ARL15: variants seen among roughly 807,000 people sequenced by gnomAD.
The protein encoded by ARL15 is ARF like GTPase 15.
In ARL15, 19 loss-of-function variants were observed where a neutral mutation model predicts 25.2. The ratio of observed to expected loss-of-function variants is 0.75; its 90% CI spans 0.53 to 1.10. The LOEUF is 1.10. Among genes scored for constraint, ARL15 ranks in the 50% least tolerant of loss-of-function variants. The pLI, the probability that ARL15 is intolerant of heterozygous loss-of-function variation, is 0.00. For missense variants in ARL15, 220 were observed against 246.0 expected (o/e 0.89, Z 0.71); for synonymous variants, 94 against 86.8 (o/e 1.08, Z -0.46).
chr5:53,901,388 G>C (rs62372372), intron 4 of ARL15, among the ~76,000 whole-genome samples: 1 of 152,062 alleles, frequency 6.6e-6, no homozygotes, highest in Non-Finnish European at 1.5e-5. Context: ...GGTTGTTTAA[G>C]GAGTCCTACC....
intron 3 of ARL15, among the ~76,000 whole-genome samples, chr5:54,148,851 T>C (rs900897450): frequency 2.6e-5 from 4 of 152,222 alleles, no homozygotes; most frequent in Non-Finnish European, 4.4e-5. Flanking sequence ...TATCAATAAA[T>C]AATAACACAC....
At chr5:54,095,925 T>A (rs537355714) in intron 4 of ARL15, among the ~76,000 whole-genome samples, 1 of 152,290 alleles carries the variant, frequency 6.6e-6, no homozygotes, top group African/African-American at 2.4e-5. Flanking sequence ...TTGTTATTTT[T>A]AAAAAAATTT....
chr5:54,201,677 T>C (rs890742840), intron 1 of ARL15, among the ~76,000 whole-genome samples: 1 of 152,122 alleles, frequency 6.6e-6, no homozygotes, highest in Non-Finnish European at 1.5e-5. Flanking sequence ...TACCTCCCCA[T>C]GCTGTACTTG....
At chr5:54,104,817 A>G (rs1318482514) in intron 4 of ARL15, among the ~76,000 whole-genome samples, 1 of 152,084 alleles carries the variant, frequency 6.6e-6, no homozygotes, top group Non-Finnish European at 1.5e-5. Context: ...AAAATGAGTG[A>G]CAATGCTTCT....
At chr5:53,963,769 T>C (rs973751421) in intron 4 of ARL15, among the ~76,000 whole-genome samples, 3 of 149,706 alleles carry the variant, frequency 2.0e-5, no homozygotes, top group Non-Finnish European at 4.4e-5. Flanking sequence ...AATTGTGCCA[T>C]TGCATTCCAG....
At chr5:53,930,434 T>A (rs1446977354) in intron 4 of ARL15, among the ~76,000 whole-genome samples, 4 of 152,182 alleles carry the variant, frequency 2.6e-5, no homozygotes, top group Non-Finnish European at 5.9e-5. Flanking sequence ...AGAGAGAAAA[T>A]TTCCCATCCA....
At chr5:54,227,896 G>C (rs545744616) in intron 1 of ARL15, among the ~76,000 whole-genome samples, 1 of 152,290 alleles carries the variant, frequency 6.6e-6, no homozygotes, top group Admixed American at 6.5e-5. Flanking sequence ...TGCAGAAGGA[G>C]TTAACATTTT....
intron 1 of ARL15, among the ~76,000 whole-genome samples, chr5:54,200,988 G>A (rs574032075): frequency 3.3e-5 from 5 of 151,844 alleles, no homozygotes; most frequent in Admixed American, 1.3e-4. Flanking sequence ...GGATGATCAC[G>A]ATACATACAA....
intron 1 of ARL15, among the ~76,000 whole-genome samples, chr5:54,211,065 G>A (rs1756025066): frequency 6.6e-6 from 1 of 152,138 alleles, no homozygotes; most frequent in African/African-American, 2.4e-5. Context: ...AACGAAACTA[G>A]GATTATTTTT....
intron 4 of ARL15, among the ~76,000 whole-genome samples, chr5:54,095,252 G>A (rs1004642813): frequency 3.9e-5 from 6 of 152,070 alleles, no homozygotes; most frequent in East Asian, 1.9e-4. Flanking sequence ...TGACAAGGCC[G>A]CCTTTTAAAC....
At position 54,230,302 on chromosome 5, in the gene ARL15, C is replaced by T. The variant is rs371728472; in HGVS notation, c.49-58374G>A. On this transcript the variant is annotated intron_variant, in intron 1 of 4. Transcript: ENST00000504924. The stretch of plus-strand genomic sequence containing the variant: ...CGGAGGTTGCAGTGAGCCCAGATCG[C>T]GCCACTGCACTCCAGCCTGGAGACA... Among the ~76,000 whole-genome samples the T allele has an allele frequency of 3.5e-4, 50 of 143,832 alleles. No individual in the cohort carries two copies. In the East Asian group the frequency reaches 8.0e-3, roughly 23 times the overall value. The allele number at this position is 143,832 out of a possible 152,430, so 94.4% of individuals were successfully genotyped here.
At chr5:53,896,498 T>G (rs1009513935) in intron 4 of ARL15, among the ~76,000 whole-genome samples, 3 of 152,114 alleles carry the variant, frequency 2.0e-5, no homozygotes, top group African/African-American at 7.2e-5. Context: ...ATTTATTTAT[T>G]TTTTCTTTCT....
At chr5:54,208,920 C>T (rs896062776) in intron 1 of ARL15, among the ~76,000 whole-genome samples, 1 of 152,034 alleles carries the variant, frequency 6.6e-6, no homozygotes, top group Non-Finnish European at 1.5e-5. Context: ...AATTTTATAG[C>T]ACACCTATTT....
intron 3 of ARL15, among the ~76,000 whole-genome samples, chr5:54,132,826 A>G (rs1179695071): frequency 2.0e-5 from 3 of 152,138 alleles, no homozygotes; most frequent in Non-Finnish European, 4.4e-5. Flanking sequence ...TCTCATTGCC[A>G]TCTTTGTTTT....
At chr5:54,172,010 A>G (rs139053648) in intron 1 of ARL15, 82 bp from the exon 2 acceptor site, 18 of 1,498,412 alleles carry the variant, frequency 1.2e-5, no homozygotes, top group Non-Finnish European at 1.5e-5. Context: ...TGACTGAGTA[A>G]GTATTAAGAG....
chr5:53,900,418 A>G (rs2111936156), intron 4 of ARL15, among the ~76,000 whole-genome samples: 1 of 152,228 alleles, frequency 6.6e-6, no homozygotes, highest in Admixed American at 6.5e-5. Flanking sequence ...GGCTATCAAG[A>G]CTCAATGCAG....
intron 4 of ARL15, among the ~76,000 whole-genome samples, chr5:54,061,978 T>C (rs998960574): frequency 1.3e-5 from 2 of 152,208 alleles, no homozygotes; most frequent in East Asian, 1.9e-4. Flanking sequence ...CCCAAGACTA[T>C]GGGAACCTAC....
At chr5:54,076,100 C>T (rs751251691) in intron 4 of ARL15, among the ~76,000 whole-genome samples, 14 of 152,182 alleles carry the variant, frequency 9.2e-5, no homozygotes, top group Admixed American at 5.2e-4. Flanking sequence ...GCTTGGCAGA[C>T]ACTCAATAGC....
At chr5:54,290,378 C>T (rs1228992633) in intron 1 of ARL15, among the ~76,000 whole-genome samples, 1 of 151,044 alleles carries the variant, frequency 6.6e-6, no homozygotes, top group East Asian at 1.9e-4. Flanking sequence ...TCTCGGCTCG[C>T]TGCAACCTCT....
Sources: allele counts gnomAD v4.1 joint callset (sites outside exome capture counted in the v4.1 genomes callset), GRCh38; gene constraint gnomAD v4.1.1; transcripts MANE v1.5; gene names NCBI Gene and HGNC (gene_info 2026-07-23, HGNC 2026-07-21).